The following WWOX variants were observed in gnomAD, a reference collection of about 807,000 sequenced individuals.
The protein encoded by WWOX is WW domain-containing oxidoreductase.
WWOX carries 69 observed loss-of-function variants against 46.2 expected under a neutral mutation model. The ratio of observed to expected loss-of-function variants is 1.49; its 90% CI spans 1.23 to 1.82. The LOEUF is 1.82. Ranked by LOEUF, WWOX falls within the 40% of genes most tolerant of loss-of-function variation. The pLI, the probability that WWOX is intolerant of heterozygous loss-of-function variation, is 0.00. For synonymous variants in WWOX, 359 were observed against 202.6 expected (o/e 1.77, Z -6.56); for missense variants, 919 against 542.6 (o/e 1.69, Z -6.89).
intron 8 of WWOX, among the ~76,000 whole-genome samples, chr16:79,161,201 TATGAC>T (rs376209266): frequency 6.6e-6 from 1 of 152,140 alleles, no homozygotes; most frequent in African/African-American, 2.4e-5. Flanking sequence ...TTGGTAAAAA[TATGAC>T]ATGACATTTG....
chr16:78,684,896 C>T (rs767791432), intron 8 of WWOX, among the ~76,000 whole-genome samples: 95 of 152,270 alleles, frequency 6.2e-4, no homozygotes, highest in Non-Finnish European at 1.1e-3. Context: ...AGCATAGGAA[C>T]ACTCATAGTA....
intron 8 of WWOX, among the ~76,000 whole-genome samples, chr16:78,899,962 C>T (rs567117233): frequency 6.6e-6 from 1 of 151,942 alleles, no homozygotes; most frequent in South Asian, 2.1e-4. Context: ...ACTAATTAAG[C>T]CTTGATAATT....
At chr16:78,724,376 AT>A (rs144578973) in intron 8 of WWOX, among the ~76,000 whole-genome samples, 5 of 152,058 alleles carry the variant, frequency 3.3e-5, no homozygotes, top group African/African-American at 2.4e-5. Context: ...CTCCTAAAAT[AT>A]TTTTTTTCCT....
chr16:79,162,510 C>T (rs780720845), intron 8 of WWOX, among the ~76,000 whole-genome samples: 1 of 152,128 alleles, frequency 6.6e-6, no homozygotes, highest in East Asian at 1.9e-4. Flanking sequence ...TGATGGTAAA[C>T]ATAGAAAGTC....
intron 5 of WWOX, among the ~76,000 whole-genome samples, chr16:78,370,051 C>T (rs756482447): frequency 3.5e-5 from 5 of 143,824 alleles, no homozygotes; most frequent in Non-Finnish European, 6.0e-5. Context: ...AGAATCGCTT[C>T]AGCTTGGGAG....
intron 8 of WWOX, among the ~76,000 whole-genome samples, chr16:79,062,037 T>A (rs2048365798): frequency 1.3e-5 from 2 of 152,162 alleles, no homozygotes; most frequent in Non-Finnish European, 2.9e-5. Context: ...GTATGGTTTG[T>A]GATGCCCTTA....
At chr16:78,617,346 G>A (rs141318667) in intron 8 of WWOX, among the ~76,000 whole-genome samples, 1 of 150,274 alleles carries the variant, frequency 6.7e-6, no homozygotes, top group African/African-American at 2.5e-5. Flanking sequence ...AGGTTGCAGT[G>A]AGCCGACATT....
chr16:78,980,274 A>AT (rs1320940187), intron 8 of WWOX, among the ~76,000 whole-genome samples: 9 of 152,280 alleles, frequency 5.9e-5, no homozygotes, highest in African/African-American at 1.9e-4. Context: ...CATTTGACAG[A>AT]TGGAAAAACT....
At chr16:78,314,524 G>A (rs2080315511) in intron 5 of WWOX, among the ~76,000 whole-genome samples, 1 of 143,632 alleles carries the variant, frequency 7.0e-6, no homozygotes, top group Admixed American at 6.9e-5. Context: ...CCAATTTGTG[G>A]GGTTTTTTTT....
chr16:78,833,136 G>T (rs767520617), intron 8 of WWOX, among the ~76,000 whole-genome samples: 1 of 151,628 alleles, frequency 6.6e-6, no homozygotes, highest in Non-Finnish European at 1.5e-5. Flanking sequence ...CCAACTCCTA[G>T]GCTCAAGCGA....
At chr16:79,149,056 C>G (rs1597420313) in intron 8 of WWOX, among the ~76,000 whole-genome samples, 1 of 152,000 alleles carries the variant, frequency 6.6e-6, no homozygotes, top group South Asian at 2.1e-4. Flanking sequence ...GTGGCTAGAA[C>G]TTCCTGTGCT....
At chr16:78,227,279 T>A (rs2037094144) in intron 5 of WWOX, among the ~76,000 whole-genome samples, 1 of 152,218 alleles carries the variant, frequency 6.6e-6, no homozygotes, top group African/African-American at 2.4e-5. Context: ...ACTTTTCACA[T>A]AAATTTAATG....
At chr16:78,993,604 C>T (rs1020533458) in intron 8 of WWOX, among the ~76,000 whole-genome samples, 9 of 152,138 alleles carry the variant, frequency 5.9e-5, no homozygotes, top group Non-Finnish European at 1.0e-4. Context: ...CAGGACCTTG[C>T]GCTGTGCGGC....
chr16:78,467,944 T>C (rs1207447210), intron 8 of WWOX, among the ~76,000 whole-genome samples: 1 of 152,176 alleles, frequency 6.6e-6, no homozygotes, highest in East Asian at 1.9e-4. Context: ...TTCATTGTCT[T>C]TTTGTGTGTT....
chr16:79,075,640 C>T (rs955142412), intron 8 of WWOX, among the ~76,000 whole-genome samples: 4 of 151,978 alleles, frequency 2.6e-5, no homozygotes, highest in African/African-American at 7.3e-5. Flanking sequence ...GCACCCTCCG[C>T]CTTCTGGGAT....
chr16:79,191,814 G>A (rs974477662), intron 8 of WWOX, among the ~76,000 whole-genome samples: 1 of 152,126 alleles, frequency 6.6e-6, no homozygotes, highest in Admixed American at 6.5e-5. Context: ...AAAAATCATA[G>A]CGTCTAGGGG....
intron 8 of WWOX, among the ~76,000 whole-genome samples, chr16:78,844,933 G>A (rs7498176): frequency 2.6e-5 from 4 of 152,020 alleles, no homozygotes; most frequent in Admixed American, 2.6e-4. Context: ...TTGGCCCTGA[G>A]AGAACAACAA....
chr16:79,210,671 G>A (rs553365793), intron 8 of WWOX, among the ~76,000 whole-genome samples: 4 of 152,200 alleles, frequency 2.6e-5, no homozygotes, highest in Non-Finnish European at 5.9e-5. Flanking sequence ...AATTAGAGAC[G>A]TGCCGACCAT....
At chr16:79,063,328 G>C (rs539341936) in intron 8 of WWOX, among the ~76,000 whole-genome samples, 1 of 152,082 alleles carries the variant, frequency 6.6e-6, no homozygotes, top group East Asian at 1.9e-4. Flanking sequence ...TTTTTGTTCC[G>C]AAATCGGAAT....
Sources: gnomAD v4.1 joint callset for allele counts (sites outside exome capture counted in the v4.1 genomes callset) on GRCh38, gnomAD v4.1.1 for gene constraint, MANE v1.5 for transcripts, NCBI Gene and HGNC (gene_info 2026-07-23, HGNC 2026-07-21) for gene names.